The following CELF2 variants were observed in gnomAD, a reference collection of about 807,000 sequenced individuals.
CELF2 encodes the protein CUG triplet repeat RNA-binding protein 2.
CELF2 carries 8 observed loss-of-function variants against 62.6 expected under a neutral mutation model. The observed-to-expected ratio is 0.13, with a 90% CI of 0.07 to 0.23. CELF2 has a LOEUF of 0.23. CELF2 is among the 10% of genes least tolerant of loss of function. CELF2 has a pLI of 1.00. For missense variants in CELF2, 333 were observed against 671.0 expected (o/e 0.50, Z 5.56); for synonymous variants, 258 against 250.0 (o/e 1.03, Z -0.30).
chr10:11,142,118 G>A (rs1187502624), intron 1 of CELF2, among the ~76,000 whole-genome samples: 2 of 152,250 alleles, frequency 1.3e-5, no homozygotes, highest in African/African-American at 4.8e-5. Context: ...CATAAAGTGT[G>A]ACTGCCCATC....
intron 2 of CELF2, among the ~76,000 whole-genome samples, chr10:11,196,721 G>A (rs2134856246): frequency 6.6e-6 from 1 of 151,916 alleles, no homozygotes; most frequent in East Asian, 1.9e-4. Flanking sequence ...ACTTTGGGAG[G>A]CCAAGGCAGG....
At chr10:10,551,451 G>A in the CELF2 span, among the ~76,000 whole-genome samples, 3 of 152,090 alleles carry the variant, frequency 2.0e-5, no homozygotes, top group Non-Finnish European at 4.4e-5. Flanking sequence ...CAGCTGGGGA[G>A]TTAAGTGCCT....
chr10:10,837,091 A>G (rs1363257048), intron 1 of CELF2, among the ~76,000 whole-genome samples: 1 of 152,180 alleles, frequency 6.6e-6, no homozygotes, highest in Non-Finnish European at 1.5e-5. Flanking sequence ...GTTGTCATTC[A>G]TGACTGCTGA....
intron 2 of CELF2, among the ~76,000 whole-genome samples, chr10:11,213,142 A>G (rs2062369590): frequency 6.6e-6 from 1 of 152,182 alleles, no homozygotes. Context: ...ACAGTAGGGA[A>G]GGTGGGTTTC....
chr10:10,872,437 T>A (rs2133412749), intron 1 of CELF2, among the ~76,000 whole-genome samples: 1 of 152,314 alleles, frequency 6.6e-6, no homozygotes, highest in Middle Eastern at 3.4e-3. Flanking sequence ...GCTTTATGGA[T>A]TTTTTTAAGT....
At chr10:11,085,080 T>G (rs544610000) in intron 1 of CELF2, among the ~76,000 whole-genome samples, 2 of 152,274 alleles carry the variant, frequency 1.3e-5, no homozygotes, top group Non-Finnish European at 2.9e-5. Flanking sequence ...CGTTTGGCTT[T>G]TCTTTCATTT....
Position 11,165,297 on chromosome 10 carries a change from G to A in CELF2, c.75-189G>A, listed in dbSNP as rs1408037186. 3.6e-6 allele frequency: 5 copies of A among 1,398,490 alleles called. No homozygotes were observed. Among genetic ancestry groups the A allele is most frequent in the South Asian group, 3.1e-5 (2 of 63,840 alleles). 86.6% of individuals were successfully genotyped at this position (1,398,490 alleles called of 1,614,324 possible). ...AGCAGCACGCAGTGAGAGCCTCGCC[G>A]CCGCCGAGGAGCAACTCATGGTGCC... On this transcript the variant is annotated intron_variant, in intron 1 of 12. Transcript: ENST00000633077. This position sits in a 1 kb window ranked among gnomAD's most constrained non-coding sequence, Gnocchi z 7.4.
chr10:10,932,676 ATGTG>A (rs72121252), intron 2 of CELF2, among the ~76,000 whole-genome samples: 2,346 of 150,834 alleles, frequency 0.016, 57 homozygotes, highest in African/African-American at 0.054. Flanking sequence ...ATGTATGTGT[ATGTG>A]TGTGTGTGTG....
intron 2 of CELF2, among the ~76,000 whole-genome samples, chr10:11,187,580 C>CA (rs77267289): frequency 1.0e-3 from 42 of 40,278 alleles, no homozygotes; most frequent in African/African-American, 8.8e-3. Context: ...GTCGCCCCCC[C>CA]CCCAACCTGT....
At chr10:10,744,741 T>C in the CELF2 span, among the ~76,000 whole-genome samples, 2 of 152,246 alleles carry the variant, frequency 1.3e-5, no homozygotes, top group East Asian at 1.9e-4. Context: ...CCTTCTAGTG[T>C]GACATTTAAT....
At chr10:10,532,837 GA>G in the CELF2 span, among the ~76,000 whole-genome samples, 6,013 of 121,100 alleles carry the variant, frequency 0.05, 402 homozygotes, top group African/African-American at 0.17. Context: ...TGATACAAGA[GA>G]AAAAAAATTA....
chr10:11,009,005 C>CAG (rs2055864921), intron 1 of CELF2, among the ~76,000 whole-genome samples: 1 of 65,796 alleles, frequency 1.5e-5, no homozygotes, highest in Non-Finnish European at 3.8e-5. Context: ...GGGGAATTTG[C>CAG]GGGGGGGGGG....
At chr10:10,693,257 A>C in the CELF2 span, among the ~76,000 whole-genome samples, 1 of 133,418 alleles carries the variant, frequency 7.5e-6, no homozygotes, top group South Asian at 2.8e-4. Context: ...TTCTGCATCT[A>C]TTGAGATAAT....
chr10:11,150,892 G>A (rs1338337638), intron 1 of CELF2, among the ~76,000 whole-genome samples: 2 of 152,216 alleles, frequency 1.3e-5, no homozygotes, highest in African/African-American at 2.4e-5. Flanking sequence ...GATGCTTTGT[G>A]TGGTTATTAA....
Position 11,324,186 on chromosome 10 carries a change from A to G in CELF2, c.1295-1650A>G, listed in dbSNP as rs145360525. On this transcript the variant is annotated intron_variant, in intron 11 of 12. Transcript: ENST00000633077. The surrounding 1 kb of genome is among the most constrained non-coding windows in gnomAD (Gnocchi z 4.7). ...ACTCAGGCATACCCAGTCATCTGTC[A>G]TGTGCATTGAAACTGTATTTTCTCC... Among the ~76,000 whole-genome samples the G allele has an allele frequency of 1.3e-5, 2 of 152,232 alleles. No individual in the cohort carries two copies. The highest frequency in any genetic ancestry group is 4.8e-5 in the African/African-American group (2 of 41,450).
intron 1 of CELF2, among the ~76,000 whole-genome samples, chr10:11,079,750 C>CTT (rs1554822798): frequency 6.8e-6 from 1 of 146,068 alleles, no homozygotes; most frequent in Non-Finnish European, 1.5e-5. Context: ...AGCCCCCCCC[C>CTT]CCTTTTTAGG....
intron 1 of CELF2, among the ~76,000 whole-genome samples, chr10:10,826,521 T>C (rs2057402198): frequency 6.6e-6 from 1 of 152,352 alleles, no homozygotes; most frequent in South Asian, 2.1e-4. Flanking sequence ...AAAAATCACT[T>C]GTCATTTGTC....
At chr10:10,939,852 G>A (rs189971322) in intron 2 of CELF2, among the ~76,000 whole-genome samples, 116 of 152,178 alleles carry the variant, frequency 7.6e-4, no homozygotes, top group African/African-American at 2.7e-3. Flanking sequence ...TACTAGGGAG[G>A]CTGAGGCAGG....
chr10:10,498,120 G>C, the CELF2 span, among the ~76,000 whole-genome samples: 32 of 152,286 alleles, frequency 2.1e-4, no homozygotes, highest in African/African-American at 7.2e-4. Flanking sequence ...AAGAGTCAAG[G>C]ACTACACCAA....
Sources: gnomAD v4.1 joint callset for allele counts (sites outside exome capture counted in the v4.1 genomes callset) on GRCh38, gnomAD v4.1.1 for gene constraint, Gnocchi (gnomAD v3.1) non-coding constraint, MANE v1.5 for transcripts, NCBI Gene and HGNC (gene_info 2026-07-23, HGNC 2026-07-21) for gene names.